Variants in FMNL2 observed in about 807,000 individuals in gnomAD.
FMNL2 encodes the protein formin like 2, also known as formin-like protein 2.
Under a neutral mutation model 130.2 loss-of-function variants are expected in FMNL2, and 51 were observed. That is an observed-to-expected ratio of 0.39 (90% CI 0.31 to 0.49). The LOEUF is 0.49. Among genes scored for constraint, FMNL2 ranks in the 20% least tolerant of loss-of-function variants. The pLI, the probability that FMNL2 is intolerant of heterozygous loss-of-function variation, is 0.85. For synonymous variants in FMNL2, 465 were observed against 467.1 expected (o/e 1.00, Z 0.06); for missense variants, 977 against 1,316.2 (o/e 0.74, Z 3.99).
intron 1 of FMNL2, among the ~76,000 whole-genome samples, chr2:152,494,064 C>T (rs1190161986): frequency 6.6e-6 from 1 of 152,214 alleles, no homozygotes; most frequent in Non-Finnish European, 1.5e-5. Flanking sequence ...GCAGCATCCC[C>T]TGGTGAATCC....
At chr2:152,610,230 ATAAT>A (rs560462764) in intron 10 of FMNL2, among the ~76,000 whole-genome samples, 164 of 152,312 alleles carry the variant, frequency 1.1e-3, no homozygotes, top group African/African-American at 3.9e-3. Flanking sequence ...GTTCTTTGTA[ATAAT>A]TTTCACATTT....
At chr2:152,583,389 A>C (rs966311581) in intron 9 of FMNL2, among the ~76,000 whole-genome samples, 8 of 152,190 alleles carry the variant, frequency 5.3e-5, no homozygotes, top group African/African-American at 1.9e-4. Flanking sequence ...TTCAAGTATG[A>C]GTTAGAAAAT....
At chr2:152,488,611 T>G (rs1459256877) in intron 1 of FMNL2, among the ~76,000 whole-genome samples, 1 of 152,242 alleles carries the variant, frequency 6.6e-6, no homozygotes, top group Non-Finnish European at 1.5e-5. Context: ...AACAGACATA[T>G]GCACACATAT....
At chr2:152,613,379 T>C (rs1226195883) in intron 11 of FMNL2, among the ~76,000 whole-genome samples, 4 of 152,222 alleles carry the variant, frequency 2.6e-5, no homozygotes, top group Non-Finnish European at 2.9e-5. Flanking sequence ...TACCCACTTA[T>C]CACTGAACAC....
intron 1 of FMNL2, among the ~76,000 whole-genome samples, chr2:152,477,529 G>A (rs1690220586): frequency 6.6e-6 from 1 of 152,148 alleles, no homozygotes; most frequent in East Asian, 1.9e-4. Flanking sequence ...TGTAGATCCT[G>A]GATGATGACA....
chr2:152,380,746 A>G (rs1226743434), intron 1 of FMNL2, among the ~76,000 whole-genome samples: 3 of 152,184 alleles, frequency 2.0e-5, no homozygotes, highest in Non-Finnish European at 2.9e-5. Context: ...TACACCCAGT[A>G]TAGTTGGTTT....
chr2:152,607,336 C>T lies in FMNL2; in HGVS notation c.877-3C>T. The T allele has an allele frequency of 6.2e-7, 1 of 1,612,870 alleles. No individual in the cohort carries two copies. The highest frequency in any genetic ancestry group is 8.5e-7 in the Non-Finnish European group (1 of 1,179,240). On this transcript the variant is annotated splice_polypyrimidine_tract_variant and splice_region_variant and intron_variant, in intron 9 of 25. Coordinates refer to ENST00000288670, the MANE Select transcript of FMNL2 (RefSeq NM_052905.4). ...ACATGCACAATGAAAATGTGTGTTT[C>T]AGGTTTGTGGAGAAAAACAGCGCTT...
In FMNL2 at chr2:152,649,397, TTAAC is replaced by T. The variant is rs1176717806; in HGVS notation, c.*1495_*1498del. 6.6e-6 allele frequency: 1 copy of T among 152,498 alleles called. No homozygotes were observed. Among genetic ancestry groups the T allele is most frequent in the Non-Finnish European group, 1.5e-5 (1 of 68,022 alleles). 9.4% of individuals were successfully genotyped at this position (152,498 alleles called of 1,614,324 possible). On this transcript the variant is annotated 3_prime_UTR_variant, in exon 26 of 26. Transcript: ENST00000288670. ...TTATAGTTTTTTTTAATATATATAT[TTAAC>T]TATAAGGACAGTTTAGGGAACAAGT...
At chr2:152,340,350 G>A (rs1283834763) in intron 1 of FMNL2, among the ~76,000 whole-genome samples, 2 of 152,236 alleles carry the variant, frequency 1.3e-5, no homozygotes, top group African/African-American at 4.8e-5. Context: ...CCTGCGACTA[G>A]CAGTAAAAAA....
chr2:152,390,355 A>T, intron 1 of FMNL2: 1 of 1,112,682 alleles, frequency 9.0e-7, no homozygotes, highest in Non-Finnish European at 1.4e-6. Flanking sequence ...GAGGATGGCA[A>T]GGTGGTGACT....
At chr2:152,627,169 G>A (rs532041767) in intron 17 of FMNL2, among the ~76,000 whole-genome samples, 56 of 152,206 alleles carry the variant, frequency 3.7e-4, no homozygotes, top group Admixed American at 9.8e-4. Context: ...CAAATTTGAT[G>A]GCATTTGTGG....
intron 1 of FMNL2, among the ~76,000 whole-genome samples, chr2:152,367,391 A>G (rs1683620000): frequency 6.6e-6 from 1 of 152,182 alleles, no homozygotes; most frequent in Admixed American, 6.5e-5. Flanking sequence ...AAATAGCTGG[A>G]GAATACTCCG....
intron 1 of FMNL2, among the ~76,000 whole-genome samples, chr2:152,388,388 G>A (rs567263038): frequency 1.3e-5 from 2 of 152,134 alleles, no homozygotes; most frequent in African/African-American, 4.8e-5. Flanking sequence ...GGAAGCAAAC[G>A]CGTCCTTCTT....
chr2:152,640,721 C>G, intron 24 of FMNL2, 70 bp from the exon 25 acceptor site: 3 of 1,554,836 alleles, frequency 1.9e-6, no homozygotes, highest in Middle Eastern at 1.7e-4. Flanking sequence ...AATGCTCAGG[C>G]ACATTTTGGA....
At chr2:152,436,386 G>A (rs1687765707) in intron 1 of FMNL2, among the ~76,000 whole-genome samples, 1 of 152,028 alleles carries the variant, frequency 6.6e-6, no homozygotes, top group Non-Finnish European at 1.5e-5. Flanking sequence ...CAAGCAATCC[G>A]CTGACCTCAG....
intron 9 of FMNL2, 93 bp from the exon 10 acceptor site, chr2:152,607,246 T>C: frequency 9.9e-7 from 1 of 1,015,138 alleles, no homozygotes; most frequent in Non-Finnish European, 1.5e-6. Context: ...AGATAGATAT[T>C]CTGGAAATCA....
At chr2:152,633,151 A>C (rs114173283) in intron 21 of FMNL2, among the ~76,000 whole-genome samples, 3,335 of 150,600 alleles carry the variant, frequency 0.022, 137 homozygotes, top group African/African-American at 0.077. Flanking sequence ...GCTACAGTGC[A>C]GTGACATGAT....
rs139870334 is a variant in FMNL2 at position 152,405,282 on chromosome 2, C to T, written c.117+69562C>T. ...AAGCAAAGGTCCTTCTGACATTCAA[C>T]GCATCTTCCTTTCTGGTCTTTTTTG... On this transcript the variant is annotated intron_variant, in intron 1 of 25. Coordinates refer to ENST00000288670, the MANE Select transcript of FMNL2 (RefSeq NM_052905.4). Among the ~76,000 whole-genome samples the T allele has an allele frequency of 9.7e-4, 147 of 152,286 alleles. 2 individuals are homozygous for T. The East Asian group carries it at 0.018, about 18-fold the overall frequency.
At chr2:152,413,483 A>G (rs974372783) in intron 1 of FMNL2, among the ~76,000 whole-genome samples, 1 of 152,138 alleles carries the variant, frequency 6.6e-6, no homozygotes, top group Non-Finnish European at 1.5e-5. Flanking sequence ...TTTTATTACT[A>G]TACTAATGGA....
Sources: allele counts gnomAD v4.1 joint callset (sites outside exome capture counted in the v4.1 genomes callset), GRCh38; gene constraint gnomAD v4.1.1; transcripts MANE v1.5; gene names NCBI Gene and HGNC (gene_info 2026-07-23, HGNC 2026-07-21).